PHIP: variants seen among roughly 807,000 people sequenced by gnomAD.
The protein encoded by PHIP is PH-interacting protein.
Under a neutral mutation model 236.8 loss-of-function variants are expected in PHIP, and 54 were observed. The observed-to-expected ratio is 0.23, with a 90% CI of 0.18 to 0.29. The LOEUF is 0.29. Among genes scored for constraint, PHIP ranks in the 10% least tolerant of loss-of-function variants. PHIP has a pLI of 1.00. For synonymous variants in PHIP, 756 were observed against 718.9 expected, an observed-to-expected ratio of 1.05 and a Z score of -0.83; for missense variants, 1,370 against 2,190.8, an observed-to-expected ratio of 0.63 and a Z score of 7.48.
At chr6:79,000,037 A>G (rs1223622983) in intron 17 of PHIP, among the ~76,000 whole-genome samples, 2 of 152,078 alleles carry the variant, frequency 1.3e-5, no homozygotes, top group Non-Finnish European at 2.9e-5. Flanking sequence ...ATTTATTATT[A>G]TAATAACTCA....
Position 78,998,333 on chromosome 6 carries a change from C to A in PHIP, c.1938G>T (p.Met646Ile). The change falls in exon 18 of 40, where the codon ATG (methionine) becomes ATT (isoleucine). Residue 646 changes from methionine (M) to isoleucine (I), a missense_variant. Coordinates refer to ENST00000275034, the MANE Select transcript of PHIP (RefSeq NM_017934.7). ...CTTGCTCCTGTTGTAGTCTTTGAAT[C>A]ATGCTGTCCAGTGGGCTGATCTCCT... ...ANQEISPLDS[M>I]IQRLQQEQDL... The A allele has an allele frequency of 1.2e-6, 2 of 1,613,578 alleles. No homozygotes were observed. Among genetic ancestry groups the A allele is most frequent in the Non-Finnish European group, 1.7e-6 (2 of 1,179,568 alleles).
rs559095106 is a variant in PHIP at position 78,942,092 on chromosome 6, T to A, written c.4829-762A>T. On this transcript the variant is annotated intron_variant, in intron 39 of 39. Transcript: ENST00000275034. ...TGGTAGGTGATTTGCAATGCTCTATTTTTGAGGAAATTCATAGATGGAAAC... is the reference window on the plus strand; with the variant it reads ...TGGTAGGTGATTTGCAATGCTCTATATTTGAGGAAATTCATAGATGGAAAC... Among the ~76,000 whole-genome samples, 36 of 152,312 alleles carry A rather than the reference T, an allele frequency of 2.4e-4. No homozygotes were observed. In the East Asian group the frequency reaches 6.4e-3, roughly 27 times the overall value.
chr6:79,033,326 CT>C (rs2127753395), intron 7 of PHIP, among the ~76,000 whole-genome samples: 1 of 152,206 alleles, frequency 6.6e-6, no homozygotes, highest in East Asian at 1.9e-4. Context: ...TGACTTCTCT[CT>C]AATTATGAAA....
intron 4 of PHIP, among the ~76,000 whole-genome samples, chr6:79,076,207 C>A (rs1368852674): frequency 2.0e-5 from 3 of 152,266 alleles, no homozygotes; most frequent in Non-Finnish European, 4.4e-5. Flanking sequence ...TTAGGAAATA[C>A]ACTACATACC....
chr6:79,019,156 T>G lies in PHIP; in HGVS notation c.927A>C (p.Pro309=). 1 of 1,607,818 alleles carries G rather than the reference T, an allele frequency of 6.2e-7. No homozygotes were observed. The highest frequency in any genetic ancestry group is 1.1e-5 in the South Asian group (1 of 90,792). ...LWDAGTLKIN[P]RPAKFTERPR... is the part of the protein sequence containing the mutation. Reference sequence around the variant, plus strand: ...GGCGCTCTGTAAATTTTGCAGGTCTTGGGCTGTAATACAAAAAATAAAGAA... The same window carrying G: ...GGCGCTCTGTAAATTTTGCAGGTCTGGGGCTGTAATACAAAAAATAAAGAA... Residue 309 remains proline, a synonymous_variant, in exon 10 of 40, where the codon CCA becomes CCC. Coordinates refer to ENST00000275034, the MANE Select transcript of PHIP (RefSeq NM_017934.7).
intron 7 of PHIP, among the ~76,000 whole-genome samples, chr6:79,031,632 C>T (rs557686983): frequency 6.6e-6 from 1 of 152,244 alleles, no homozygotes; most frequent in African/African-American, 2.4e-5. Context: ...CTGAAAAAAA[C>T]ACACATATTA....
chr6:79,077,820 A>AGCGCCGG, intron 2 of PHIP, 35 bp downstream of exon 2: 2 of 1,235,756 alleles, frequency 1.6e-6, no homozygotes, highest in Non-Finnish European at 2.0e-6. Context: ...GCGAGCGGCG[A>AGCGCCGG]GCGCCGGCCC....
At chr6:79,073,462 T>C (rs1773994959) in intron 4 of PHIP, among the ~76,000 whole-genome samples, 1 of 152,298 alleles carries the variant, frequency 6.6e-6, no homozygotes, top group East Asian at 1.9e-4. Context: ...ATTTACTTTA[T>C]TACATGTTCA....
At position 78,998,267 on chromosome 6, in the gene PHIP, G is replaced by A. The variant is rs755667525; in HGVS notation, c.2004C>T (p.Ser668=). ...ATACCTGCTTACCTCTACTTAAACGGCTGGTATTACTGATAACTGCTTCAC... is the reference window on the plus strand; with the variant it reads ...ATACCTGCTTACCTCTACTTAAACGACTGGTATTACTGATAACTGCTTCAC... ...RSGEAVISNT[S]RLSRGSISST... Residue 668 remains serine, a synonymous_variant, in exon 18 of 40, where the codon AGC becomes AGT. Coordinates refer to ENST00000275034, the MANE Select transcript of PHIP (RefSeq NM_017934.7). 6.2e-7 allele frequency: 1 copy of A among 1,609,546 alleles called. No individual in the cohort carries two copies. Among genetic ancestry groups the A allele is most frequent in the Admixed American group, 1.7e-5 (1 of 59,946 alleles).
chr6:79,006,302 A>C (rs1394671890), intron 15 of PHIP, among the ~76,000 whole-genome samples: 1 of 152,026 alleles, frequency 6.6e-6, no homozygotes, highest in African/African-American at 2.4e-5. Flanking sequence ...TAGGTTTTCC[A>C]GACCAGGCTT....
intron 24 of PHIP, among the ~76,000 whole-genome samples, chr6:78,977,899 C>G (rs1768225250): frequency 6.6e-6 from 1 of 152,032 alleles, no homozygotes. Flanking sequence ...CCACTTTATA[C>G]TGTAAATTAG....
chr6:79,077,827 GC>G (rs1774261778), intron 2 of PHIP, 27 bp downstream of exon 2: 3 of 1,364,256 alleles, frequency 2.2e-6, no homozygotes, highest in Non-Finnish European at 2.9e-6. Context: ...GCGAGCGCCG[GC>G]CCGGCCCGCG....
chr6:78,958,559 T>A lies in PHIP; in HGVS notation c.3698A>T (p.His1233Leu). The A allele has an allele frequency of 6.3e-7, 1 of 1,583,600 alleles. No homozygotes were observed. The highest frequency in any genetic ancestry group is 1.1e-5 in the South Asian group (1 of 90,088). Residue 1233 changes from histidine (H) to leucine (L), a missense_variant, in exon 32 of 40, where the codon CAT becomes CTT. His to Leu is a moderately conservative substitution (Grantham distance 99, BLOSUM62 -3). Transcript: ENST00000275034. ...SLMWEVRYIE[H>L]NTRTFNEPGS... ...AGGCTCATTAAATGTTCGTGTATTA[T>A]GCTCTATATATCGAACTTCCCACAT...
chr6:79,049,071 T>G (rs1035255567), intron 6 of PHIP, among the ~76,000 whole-genome samples: 1 of 151,662 alleles, frequency 6.6e-6, no homozygotes, highest in Non-Finnish European at 1.5e-5. Flanking sequence ...TTGACTAGTT[T>G]TACTTTTTTT....
At chr6:78,945,662 A>G (rs1348859119) in intron 38 of PHIP, 165 bp from the exon 39 acceptor site, 2 of 634,772 alleles carry the variant, frequency 3.2e-6, no homozygotes, top group East Asian at 2.8e-5. Context: ...GTATCCAACT[A>G]GAAACTCTTA....
At position 78,955,113 on chromosome 6, in the gene PHIP, T is replaced by C. The variant is rs559537044; in HGVS notation, c.3903+119A>G. ...GTTCTAAAAAACATACATTTTGTAA[T>C]TGAAACTAATTTGAAATACTTAATG... On this transcript the variant is annotated intron_variant, in intron 34 of 39. Coordinates refer to ENST00000275034, the MANE Select transcript of PHIP (RefSeq NM_017934.7). 5.5e-5 allele frequency: 49 copies of C among 885,334 alleles called. No individual in the cohort carries two copies. In the African/African-American group the frequency reaches 7.3e-4, roughly 13 times the overall value. 54.8% of individuals were successfully genotyped at this position (885,334 alleles called of 1,614,324 possible). A position where few individuals can be genotyped will look rare whatever the true frequency, so the allele number is the denominator to read the frequency against.
chr6:78,971,843 C>T lies in PHIP; in HGVS notation c.2890-955G>A, dbSNP rs145235962. Among the ~76,000 whole-genome samples, 965 of 152,290 alleles carry T rather than the reference C, an allele frequency of 6.3e-3. 12 individuals carry two copies. Among genetic ancestry groups the T allele is most frequent in the African/African-American group, 0.022 (902 of 41,568 alleles). On this transcript the variant is annotated intron_variant, in intron 24 of 39. Transcript: ENST00000275034. The stretch of plus-strand genomic sequence containing the variant: ...AATGGGCTTAAAAAACGGCGCACCA[C>T]GAAATTATATCCCGCACCTGGCTCG...
chr6:79,006,249 T>A (rs550835184), intron 15 of PHIP, among the ~76,000 whole-genome samples: 2 of 152,138 alleles, frequency 1.3e-5, no homozygotes, highest in South Asian at 4.1e-4. Flanking sequence ...TATTTATTAA[T>A]AGATCCTCAG....
At chr6:79,012,955 A>G (rs4706748) in intron 15 of PHIP, among the ~76,000 whole-genome samples, 140,530 of 151,800 alleles carry the variant, frequency 0.93, 65,148 homozygotes, top group East Asian at 1. Flanking sequence ...ATTTCTTCAT[A>G]GACATATCAC....
Sources: gnomAD v4.1 joint callset for allele counts (sites outside exome capture counted in the v4.1 genomes callset) on GRCh38, gnomAD v4.1.1 for gene constraint, MANE v1.5 for transcripts, NCBI Gene and HGNC (gene_info 2026-07-23, HGNC 2026-07-21) for gene names.